Variants in LRFN5 observed in about 807,000 individuals in gnomAD.
LRFN5 encodes leucine-rich repeat and fibronectin type-III domain-containing protein 5.
Under a neutral mutation model 45.6 loss-of-function variants are expected in LRFN5, and 24 were observed. That is an observed-to-expected ratio of 0.53 (90% CI 0.38 to 0.74). The LOEUF is 0.74. LRFN5 is among the 30% of genes least tolerant of loss of function. The pLI, the probability that LRFN5 is intolerant of heterozygous loss-of-function variation, is 0.00. For missense variants in LRFN5, 776 were observed against 861.5 expected (o/e 0.90, Z 1.24); for synonymous variants, 340 against 313.8 (o/e 1.08, Z -0.88).
intron 1 of LRFN5, among the ~76,000 whole-genome samples, chr14:41,765,554 C>T (rs960197306): frequency 6.6e-6 from 1 of 152,084 alleles, no homozygotes; most frequent in African/African-American, 2.4e-5. Context: ...TTTTGTCATG[C>T]ATATATGAAT....
chr14:41,775,768 AAGG>A (rs1177094894), intron 2 of LRFN5, among the ~76,000 whole-genome samples: 3 of 152,234 alleles, frequency 2.0e-5, no homozygotes, highest in Non-Finnish European at 2.9e-5. Flanking sequence ...CGTTATAAAA[AAGG>A]AGGAATATTC....
chr14:41,778,758 G>T (rs945889477), intron 2 of LRFN5, among the ~76,000 whole-genome samples: 1 of 151,672 alleles, frequency 6.6e-6, no homozygotes, highest in Non-Finnish European at 1.5e-5. Context: ...ACTAAGCTAC[G>T]TAATAACCAT....
intron 2 of LRFN5, among the ~76,000 whole-genome samples, chr14:41,882,428 A>C (rs1352577356): frequency 6.6e-6 from 1 of 152,072 alleles, no homozygotes. Context: ...GAAATCCCTG[A>C]GGGACTGTAT....
At chr14:41,844,100 G>T (rs927969275) in intron 2 of LRFN5, among the ~76,000 whole-genome samples, 1 of 152,098 alleles carries the variant, frequency 6.6e-6, no homozygotes, top group Non-Finnish European at 1.5e-5. Flanking sequence ...AAATGGAAAA[G>T]ATAACAATGT....
intron 2 of LRFN5, among the ~76,000 whole-genome samples, chr14:41,810,145 C>T (rs1345779350): frequency 6.6e-6 from 1 of 152,040 alleles, no homozygotes; most frequent in African/African-American, 2.4e-5. Context: ...TAGACCAATA[C>T]ACAGATTAAC....
chr14:41,663,593 C>T (rs556267666), intron 1 of LRFN5, among the ~76,000 whole-genome samples: 1 of 152,052 alleles, frequency 6.6e-6, no homozygotes, highest in South Asian at 2.1e-4. Flanking sequence ...ATCTCATTTT[C>T]CTCCGTGAAG....
intron 1 of LRFN5, among the ~76,000 whole-genome samples, chr14:41,681,344 A>C (rs1358772234): frequency 6.6e-6 from 1 of 152,204 alleles, no homozygotes; most frequent in Non-Finnish European, 1.5e-5. Context: ...AAGATCAAGG[A>C]TAAAGAAAAG....
In LRFN5 at chr14:41,887,772, A is replaced by G. The variant is rs1890628649; in HGVS notation, c.1147A>G (p.Ser383Gly). Residue 383 changes from serine (S) to glycine (G), a missense_variant, in exon 3 of 6, where the codon AGT (serine) becomes GGT (glycine). Physicochemically the swap from Ser to Gly is moderately conservative, Grantham distance 56. Around this residue, in one of 2 missense-constraint regions of LRFN5, gnomAD observed 465 missense variants for 456.4 expected, o/e 1.02. Coordinates refer to ENST00000298119, the MANE Select transcript of LRFN5 (RefSeq NM_152447.5). This position sits in a 1 kb window ranked among gnomAD's most constrained non-coding sequence, Gnocchi z 4.8. ...AATTAAGCTCCCTCACTTACTAAATAGTACAAACCATATCCATGAGCCTGA... is the reference window on the plus strand; with the variant it reads ...AATTAAGCTCCCTCACTTACTAAATGGTACAAACCATATCCATGAGCCTGA... ...HIIKLPHLLN[S>G]TNHIHEPDPG... The G allele has an allele frequency of 6.2e-7, 1 of 1,613,896 alleles. No individual in the cohort carries two copies. Among genetic ancestry groups the G allele is most frequent in the Non-Finnish European group, 8.5e-7 (1 of 1,180,026 alleles).
intron 2 of LRFN5, among the ~76,000 whole-genome samples, chr14:41,789,417 C>G (rs1018934415): frequency 6.6e-6 from 1 of 151,992 alleles, no homozygotes; most frequent in Non-Finnish European, 1.5e-5. Flanking sequence ...TCTTCCTCCT[C>G]TCTGATATCG....
At chr14:41,816,261 A>G (rs987159949) in intron 2 of LRFN5, among the ~76,000 whole-genome samples, 1 of 151,974 alleles carries the variant, frequency 6.6e-6, no homozygotes, top group Non-Finnish European at 1.5e-5. Flanking sequence ...TCACACACAT[A>G]TATATATGCA....
At chr14:41,886,036 A>AAAAG (rs1890560084) in intron 2 of LRFN5, among the ~76,000 whole-genome samples, 1 of 151,672 alleles carries the variant, frequency 6.6e-6, no homozygotes, top group African/African-American at 2.4e-5. Flanking sequence ...AAAAAAAAAA[A>AAAAG]AAAATAGTGA....
chr14:41,689,266 A>G (rs573637339), intron 1 of LRFN5, among the ~76,000 whole-genome samples: 1 of 152,268 alleles, frequency 6.6e-6, no homozygotes, highest in Non-Finnish European at 1.5e-5. Flanking sequence ...AGTATAAATA[A>G]ATGAAATAGA....
intron 2 of LRFN5, among the ~76,000 whole-genome samples, chr14:41,862,802 C>T (rs1184648427): frequency 6.7e-6 from 1 of 149,868 alleles, no homozygotes; most frequent in Non-Finnish European, 1.5e-5. Context: ...TTGACTACCT[C>T]TTCATATGTA....
intron 1 of LRFN5, among the ~76,000 whole-genome samples, chr14:41,743,405 GTC>G (rs1285006129): frequency 7.9e-5 from 12 of 152,198 alleles, no homozygotes; most frequent in African/African-American, 2.9e-4. Flanking sequence ...CTTAAACAGT[GTC>G]TGCTTTGGAA....
intron 2 of LRFN5, among the ~76,000 whole-genome samples, chr14:41,853,086 G>A (rs34713514): frequency 0.34 from 51,179 of 151,708 alleles, 9,683 homozygotes; most frequent in Non-Finnish European, 0.43. Context: ...TAGCTAATTT[G>A]TTTATAAAGC....
At chr14:41,689,067 T>C (rs1882251714) in intron 1 of LRFN5, among the ~76,000 whole-genome samples, 3 of 151,908 alleles carry the variant, frequency 2.0e-5, no homozygotes, top group Admixed American at 2.0e-4. Flanking sequence ...TGCACTGCAG[T>C]TTGGGCAACA....
intron 2 of LRFN5, among the ~76,000 whole-genome samples, chr14:41,872,981 A>T (rs1453595478): frequency 6.6e-6 from 1 of 152,174 alleles, no homozygotes; most frequent in Non-Finnish European, 1.5e-5. Flanking sequence ...CCACTTCTTT[A>T]TGAGTCATAA....
intron 2 of LRFN5, among the ~76,000 whole-genome samples, chr14:41,832,555 G>A (rs1888521511): frequency 6.6e-6 from 1 of 152,142 alleles, no homozygotes; most frequent in African/African-American, 2.4e-5. Context: ...ATTTTCACTA[G>A]AGGGTCATTA....
intron 1 of LRFN5, among the ~76,000 whole-genome samples, chr14:41,760,754 C>T (rs1008800192): frequency 4.7e-5 from 7 of 150,364 alleles, no homozygotes; most frequent in Non-Finnish European, 7.4e-5. Context: ...CAGGGAGGGA[C>T]GGGACACAGA....
Sources: allele counts gnomAD v4.1 joint callset (sites outside exome capture counted in the v4.1 genomes callset), GRCh38; gene constraint gnomAD v4.1.1; regional missense constraint gnomAD v4.1.1; non-coding constraint Gnocchi (gnomAD v3.1); transcripts MANE v1.5; gene names NCBI Gene and HGNC (gene_info 2026-07-23, HGNC 2026-07-21).